The following SULF1 variants were observed in gnomAD, a reference collection of about 807,000 sequenced individuals.
The protein encoded by SULF1 is sulfatase 1.
A neutral mutation model predicts 110.5 loss-of-function variants in SULF1; 46 were observed. The observed-to-expected ratio is 0.42, with a 90% CI of 0.33 to 0.53. SULF1 has a LOEUF of 0.53. Among genes scored for constraint, SULF1 ranks in the 20% least tolerant of loss-of-function variants. The probability of loss-of-function intolerance (pLI) is 0.12; values close to 1 mark genes in which losing one functional copy is unlikely to be tolerated. For missense variants in SULF1, 941 were observed against 1,094.2 expected (o/e 0.86, Z 1.98); for synonymous variants, 371 against 387.1 (o/e 0.96, Z 0.49).
chr8:69,621,010 A>G (rs753041242), intron 13 of SULF1, 25 bp from the exon 14 acceptor site: 1 of 1,572,754 alleles, frequency 6.4e-7, no homozygotes, highest in African/African-American at 1.4e-5. Flanking sequence ...GAATCGGTAA[A>G]CTGCTTTCAC....
At chr8:69,579,611 T>C (rs937236586) in intron 6 of SULF1, among the ~76,000 whole-genome samples, 2 of 151,360 alleles carry the variant, frequency 1.3e-5, no homozygotes, top group South Asian at 4.2e-4. Context: ...GATAGAGATC[T>C]CTATAATTTA....
chr8:69,503,012 C>T (rs1231048881), intron 3 of SULF1, among the ~76,000 whole-genome samples: 3 of 152,062 alleles, frequency 2.0e-5, no homozygotes, highest in Non-Finnish European at 2.9e-5. Context: ...CTAAGCCTTC[C>T]GTTGGCCCAA....
intron 6 of SULF1, 133 bp downstream of exon 6, chr8:69,576,342 C>T: frequency 2.0e-6 from 2 of 1,015,894 alleles, no homozygotes; most frequent in Non-Finnish European, 2.9e-6. Context: ...AACTGCTTGA[C>T]ATCTACCCCA....
chr8:69,471,582 T>C (rs1248139467), intron 1 of SULF1, among the ~76,000 whole-genome samples: 1 of 152,190 alleles, frequency 6.6e-6, no homozygotes, highest in African/African-American at 2.4e-5. Flanking sequence ...TATCATAAAA[T>C]CCCAAATATG....
intron 8 of SULF1, chr8:69,597,368 A>G (rs900000737): frequency 1.3e-5 from 2 of 152,154 alleles, no homozygotes; most frequent in African/African-American, 4.8e-5. Flanking sequence ...CTTCCTTTAA[A>G]AGGCACATGC....
Position 69,654,656 on chromosome 8 carries a change from C to G in SULF1, c.2586-3849C>G, listed in dbSNP as rs1340429998. Among the ~76,000 whole-genome samples, 3 of 152,224 alleles carry G rather than the reference C, an allele frequency of 2.0e-5. No homozygotes were observed. The East Asian group carries it at 5.8e-4, about 29-fold the overall frequency. On this transcript the variant is annotated intron_variant, in intron 22 of 22. Coordinates refer to ENST00000402687, the MANE Select transcript of SULF1 (RefSeq NM_001128205.2). ...GTTGAAGTGCTGTGCAGAAGACTTG[C>G]ATCATCACACCGGCATCCTCTCCTG...
At chr8:69,571,502 C>T (rs1381076529) in intron 5 of SULF1, among the ~76,000 whole-genome samples, 1 of 152,186 alleles carries the variant, frequency 6.6e-6, no homozygotes, top group Non-Finnish European at 1.5e-5. Context: ...CATCCTCACC[C>T]CTGCCTTGTG....
Position 69,586,414 on chromosome 8 carries a change from G to C in SULF1, c.470G>C (p.Arg157Pro), listed in dbSNP as rs1387439634. Residue 157 changes from arginine (R) to proline (P), a missense_variant, in exon 7 of 23, where the codon CGA becomes CCA. Physicochemically the swap from Arg to Pro is moderately radical, Grantham distance 103. This residue lies in a region of SULF1 where 822 missense variants were observed against 934.3 expected (regional missense o/e 0.88). Transcript: ENST00000402687. ...YNGSYIPPGWREWLGLIKNSR... is the reference protein window; with the variant it reads ...YNGSYIPPGWPEWLGLIKNSR... ...GGCAGCTACATCCCCCCTGGGTGGC[G>C]AGAATGGCTTGGATTAATCAAGAAT... 2.5e-6 allele frequency: 4 copies of C among 1,610,706 alleles called. No individual in the cohort carries two copies. Among genetic ancestry groups the C allele is most frequent in the African/African-American group, 2.7e-5 (2 of 74,762 alleles).
chr8:69,605,064 A>C, intron 13 of SULF1, 132 bp downstream of exon 13: 1 of 1,250,796 alleles, frequency 8.0e-7, no homozygotes, highest in Non-Finnish European at 1.1e-6. Flanking sequence ...GGGCAAGCTC[A>C]CTGAGACACC....
intron 1 of SULF1, among the ~76,000 whole-genome samples, chr8:69,483,017 T>A (rs1747339533): frequency 6.6e-6 from 1 of 152,204 alleles, no homozygotes; most frequent in Non-Finnish European, 1.5e-5. Flanking sequence ...ACATAGCACT[T>A]ACCTTACATT....
intron 3 of SULF1, among the ~76,000 whole-genome samples, chr8:69,532,341 A>G (rs1395101422): frequency 6.6e-6 from 1 of 152,206 alleles, no homozygotes; most frequent in Non-Finnish European, 1.5e-5. Flanking sequence ...TGAACCTCGA[A>G]AGAATTTTCA....
At chr8:69,610,113 GA>G (rs1808528462) in intron 13 of SULF1, among the ~76,000 whole-genome samples, 1 of 152,170 alleles carries the variant, frequency 6.6e-6, no homozygotes, top group Non-Finnish European at 1.5e-5. Context: ...ATGAGTTGTT[GA>G]ATTCCAGCAT....
chr8:69,574,078 C>T (rs1352742655), intron 5 of SULF1, among the ~76,000 whole-genome samples: 2 of 152,230 alleles, frequency 1.3e-5, no homozygotes, highest in Non-Finnish European at 2.9e-5. Flanking sequence ...AATCCACACA[C>T]CACCATTGCA....
chr8:69,611,979 GT>G (rs1418184191), intron 13 of SULF1, among the ~76,000 whole-genome samples: 1 of 152,050 alleles, frequency 6.6e-6, no homozygotes, highest in Non-Finnish European at 1.5e-5. Flanking sequence ...CCAGTTTGTA[GT>G]CTTTTATCCC....
intron 13 of SULF1, among the ~76,000 whole-genome samples, chr8:69,606,086 A>C (rs993567263): frequency 6.6e-6 from 1 of 152,218 alleles, no homozygotes; most frequent in Non-Finnish European, 1.5e-5. Flanking sequence ...TAACAAAGTT[A>C]TTATTAAAAT....
At position 69,627,292 on chromosome 8, in the gene SULF1, T is replaced by G; in HGVS notation, c.1933T>G (p.Tyr645Asp). The G allele has an allele frequency of 6.2e-7, 1 of 1,613,692 alleles. No homozygotes were observed. The highest frequency in any genetic ancestry group is 8.5e-7 in the Non-Finnish European group (1 of 1,179,578). ...SARAWKDHKAYIDKEIEALQD... is the reference protein window; with the variant it reads ...SARAWKDHKADIDKEIEALQD... Reference sequence around the variant, plus strand: ...CAGAGCGTGGAAGGACCATAAGGCATACATTGACAAAGAGGTTAGCCATGG... The same window carrying G: ...CAGAGCGTGGAAGGACCATAAGGCAGACATTGACAAAGAGGTTAGCCATGG... Residue 645 changes from tyrosine to aspartate, a missense_variant, in exon 16 of 23, where the codon TAC becomes GAC. Transcript: ENST00000402687.
At chr8:69,518,851 C>T (rs1357392834) in intron 3 of SULF1, among the ~76,000 whole-genome samples, 1 of 152,174 alleles carries the variant, frequency 6.6e-6, no homozygotes, top group Non-Finnish European at 1.5e-5. Context: ...CTTAAATATT[C>T]AGCAAAGGAC....
At position 69,542,652 on chromosome 8, in the gene SULF1, G is replaced by A. The variant is rs80068306; in HGVS notation, c.-133-20887G>A. Among the ~76,000 whole-genome samples, 6 of 152,048 alleles carry A rather than the reference G, an allele frequency of 3.9e-5. No homozygotes were observed. In the East Asian group the frequency reaches 1.2e-3, roughly 29 times the overall value. Reference sequence around the variant, plus strand: ...ATACAAATGATATTATCAATTACTTGAGGCCTCAGCATCCTCAATTTTAAA... The same window carrying A: ...ATACAAATGATATTATCAATTACTTAAGGCCTCAGCATCCTCAATTTTAAA... On this transcript the variant is annotated intron_variant, in intron 3 of 22. Coordinates refer to ENST00000402687, the MANE Select transcript of SULF1 (RefSeq NM_001128205.2).
rs114844843 is a variant in SULF1 at position 69,600,589 on chromosome 8, C to T, written c.735-14C>T. The T allele has an allele frequency of 7.6e-4, 1,204 of 1,592,432 alleles. 7 individuals are homozygous for T. The African/African-American group carries it at 0.014, about 19-fold the overall frequency. ...AAGAAATATATAGTAAGATTCCTTT[C>T]TGGATATTTTCAGAACTCCTAGTTA... On this transcript the variant is annotated splice_polypyrimidine_tract_variant and intron_variant, in intron 8 of 22. Transcript: ENST00000402687.
Sources: gnomAD v4.1 joint callset for allele counts (sites outside exome capture counted in the v4.1 genomes callset) on GRCh38, gnomAD v4.1.1 for gene constraint, gnomAD v4.1.1 regional missense constraint, MANE v1.5 for transcripts, NCBI Gene and HGNC (gene_info 2026-07-23, HGNC 2026-07-21) for gene names.